CLVS1: variants seen among roughly 807,000 people sequenced by gnomAD.
The protein encoded by CLVS1 is clavesin-1.
In CLVS1, 10 loss-of-function variants were observed where a neutral mutation model predicts 33.1. The observed-to-expected ratio is 0.30, with a 90% CI of 0.19 to 0.51. The LOEUF (loss-of-function observed/expected upper bound fraction) is 0.51. Among genes scored for constraint, CLVS1 ranks in the 20% least tolerant of loss-of-function variants. The pLI is 0.97. For synonymous variants in CLVS1, 163 were observed against 166.1 expected, an observed-to-expected ratio of 0.98 and a Z score of 0.14; for missense variants, 343 against 433.4, an observed-to-expected ratio of 0.79 and a Z score of 1.85.
chr8:61,206,860 T>C (rs1370178614), intron 2 of CLVS1, among the ~76,000 whole-genome samples: 1 of 152,252 alleles, frequency 6.6e-6, no homozygotes, highest in Non-Finnish European at 1.5e-5. Context: ...GTGCTGGGAT[T>C]ACAGGCATGA....
chr8:60,975,441 C>T, the CLVS1 span, among the ~76,000 whole-genome samples: 1 of 152,096 alleles, frequency 6.6e-6, no homozygotes, highest in African/African-American at 2.4e-5. Context: ...CGACTGATAT[C>T]CCTATCAGTC....
At chr8:61,068,680 A>T (rs1585585491) in intron 1 of CLVS1, among the ~76,000 whole-genome samples, 1 of 151,866 alleles carries the variant, frequency 6.6e-6, no homozygotes, top group African/African-American at 2.4e-5. Context: ...ATTTACCTAC[A>T]CCCATGTCCC....
chr8:61,059,956 G>A (rs912580892), intron 1 of CLVS1, among the ~76,000 whole-genome samples: 2 of 152,100 alleles, frequency 1.3e-5, no homozygotes, highest in Non-Finnish European at 2.9e-5. Context: ...TTGAAATAGT[G>A]TGTGTGCTTC....
At chr8:61,062,257 A>G (rs762876878) in intron 1 of CLVS1, among the ~76,000 whole-genome samples, 1 of 152,220 alleles carries the variant, frequency 6.6e-6, no homozygotes, top group African/African-American at 2.4e-5. Context: ...TTGCCTTCTA[A>G]GAAATAATGA....
At chr8:61,396,666 A>G (rs1028604803) in intron 3 of CLVS1, among the ~76,000 whole-genome samples, 2 of 152,168 alleles carry the variant, frequency 1.3e-5, no homozygotes, top group Non-Finnish European at 1.5e-5. Flanking sequence ...ACACTTCATA[A>G]CCACTAACAA....
At chr8:61,484,945 A>C (rs975080977) in intron 5 of CLVS1, among the ~76,000 whole-genome samples, 3 of 152,218 alleles carry the variant, frequency 2.0e-5, no homozygotes, top group African/African-American at 7.2e-5. Context: ...AAATTAATTC[A>C]AGATGGATTA....
chr8:61,370,712 A>T (rs1380624957), intron 2 of CLVS1: 1 of 152,026 alleles, frequency 6.6e-6, no homozygotes, highest in Non-Finnish European at 1.5e-5. Flanking sequence ...ATACCTTTGC[A>T]TCCTCATAGC....
intron 1 of CLVS1, among the ~76,000 whole-genome samples, chr8:61,130,500 T>A (rs879303097): frequency 2.6e-5 from 4 of 152,138 alleles, no homozygotes; most frequent in Non-Finnish European, 4.4e-5. Context: ...TCAAAAGAGC[T>A]TTTAAGCCAG....
chr8:61,335,144 G>A lies in CLVS1; in HGVS notation c.455+34862G>A, dbSNP rs531252116. Among the ~76,000 whole-genome samples, 4 of 152,322 alleles carry A rather than the reference G, an allele frequency of 2.6e-5. No individual in the cohort carries two copies. In the East Asian group the frequency reaches 7.7e-4, roughly 29 times the overall value. ...AGCTGATCCATCAAGTGCAGAGTCT[G>A]CAAAATATTGGAAGCACTGATTTTA... On this transcript the variant is annotated intron_variant, in intron 2 of 5. Transcript: ENST00000325897.
rs35418716 is a variant in CLVS1, at chr8:61,233,509, C to CAAAA, written c.-151-66156_-151-66153dup. The stretch of plus-strand genomic sequence containing the variant: ...GTTACTTAAAAGACAGACTCTGTAT[C>CAAAA]AAAAAAAAAAAAAAAGAAAGAAAAA... On this transcript the variant is annotated intron_variant, in intron 2 of 2. Transcript: ENST00000522621. Among the ~76,000 whole-genome samples the CAAAA allele has an allele frequency of 2.6e-4, 25 of 97,096 alleles. No homozygotes were observed. The East Asian group carries it at 5.3e-3, about 20-fold the overall frequency. 63.7% of individuals were successfully genotyped at this position (97,096 alleles called of 152,430 possible).
At chr8:60,979,975 T>G in the CLVS1 span, among the ~76,000 whole-genome samples, 2 of 152,240 alleles carry the variant, frequency 1.3e-5, no homozygotes, top group African/African-American at 4.8e-5. Context: ...GAAAAAGACA[T>G]GATCTCTGCC....
At chr8:61,062,058 G>A (rs777434306) in intron 1 of CLVS1, among the ~76,000 whole-genome samples, 8 of 151,988 alleles carry the variant, frequency 5.3e-5, no homozygotes, top group Non-Finnish European at 1.2e-4. Context: ...ATTGTGCCTC[G>A]TTGCTTCTGA....
rs1039614147 is a variant in CLVS1, at chr8:61,325,211, CACACACACACAT to C, written c.455+24941_455+24952del. On this transcript the variant is annotated intron_variant, in intron 2 of 5. Transcript: ENST00000325897. ...TAACCTATGTACACACACATACACA[CACACACACACAT>C]ACACACACACAGTAACTATGTGAGG... Among the ~76,000 whole-genome samples, 27 of 152,130 alleles carry C rather than the reference CACACACACACAT, an allele frequency of 1.8e-4. No individual in the cohort carries two copies. In the East Asian group the frequency reaches 2.5e-3, roughly 14 times the overall value.
intron 1 of CLVS1, among the ~76,000 whole-genome samples, chr8:61,057,581 T>C (rs1006554810): frequency 2.6e-5 from 4 of 152,098 alleles, no homozygotes; most frequent in African/African-American, 9.7e-5. Context: ...CATTCTTATA[T>C]AGGCTTATTT....
At chr8:61,440,769 C>T (rs1445338250) in intron 3 of CLVS1, among the ~76,000 whole-genome samples, 1 of 152,148 alleles carries the variant, frequency 6.6e-6, no homozygotes, top group Admixed American at 6.6e-5. Flanking sequence ...GCAGAAAAAA[C>T]CTAGACCCCT....
At chr8:61,001,649 C>T in the CLVS1 span, among the ~76,000 whole-genome samples, 1 of 152,236 alleles carries the variant, frequency 6.6e-6, no homozygotes, top group African/African-American at 2.4e-5. Flanking sequence ...GACCACTCCC[C>T]TTTGCCTTTT....
intron 3 of CLVS1, among the ~76,000 whole-genome samples, chr8:61,431,783 G>A (rs747053586): frequency 4.6e-5 from 7 of 152,088 alleles, no homozygotes; most frequent in Non-Finnish European, 8.8e-5. Context: ...GCAGGCACTC[G>A]ATATATAGGT....
At chr8:61,356,973 G>A (rs1812737460) in intron 2 of CLVS1, among the ~76,000 whole-genome samples, 2 of 152,108 alleles carry the variant, frequency 1.3e-5, no homozygotes, top group African/African-American at 4.8e-5. Context: ...AGCTTGATGG[G>A]GATGGCCTTG....
chr8:61,261,684 A>G (rs1313667812), intron 2 of CLVS1, among the ~76,000 whole-genome samples: 2 of 152,176 alleles, frequency 1.3e-5, no homozygotes, highest in Non-Finnish European at 2.9e-5. Context: ...GTCCCTTCTC[A>G]TGTTAGAAAC....
Sources: gnomAD v4.1 joint callset for allele counts (sites outside exome capture counted in the v4.1 genomes callset) on GRCh38, gnomAD v4.1.1 for gene constraint, MANE v1.5 for transcripts, NCBI Gene and HGNC (gene_info 2026-07-23, HGNC 2026-07-21) for gene names.